EPB41L4A: variants seen among roughly 807,000 people sequenced by gnomAD.
EPB41L4A encodes the protein band 4.1-like protein 4A.
A neutral mutation model predicts 108.6 loss-of-function variants in EPB41L4A; 100 were observed. That is an observed-to-expected ratio of 0.92 (90% confidence interval 0.78 to 1.09). The LOEUF is 1.09. Among genes scored for constraint, EPB41L4A ranks in the 50% least tolerant of loss-of-function variants. EPB41L4A has a pLI of 0.00. For missense variants in EPB41L4A, 1,030 were observed against 842.7 expected, an observed-to-expected ratio of 1.22 and a Z score of -2.75; for synonymous variants, 319 against 289.0, an observed-to-expected ratio of 1.10 and a Z score of -1.05.
At chr5:112,367,317 T>A (rs955960969) in intron 1 of EPB41L4A, among the ~76,000 whole-genome samples, 1 of 152,156 alleles carries the variant, frequency 6.6e-6, no homozygotes, top group African/African-American at 2.4e-5. Context: ...AACCTGACAT[T>A]TCACTCCATT....
intron 1 of EPB41L4A, among the ~76,000 whole-genome samples, chr5:112,376,027 C>T (rs9885177): frequency 0.14 from 21,905 of 152,150 alleles, 4,414 homozygotes; most frequent in African/African-American, 0.45. Context: ...AAAACCAATA[C>T]ACTGGATTTC....
At position 112,182,886 on chromosome 5, in the gene EPB41L4A, G is replaced by C. The variant is rs190908249; in HGVS notation, c.1622+1130C>G. On this transcript the variant is annotated intron_variant, in intron 18 of 22. Coordinates refer to ENST00000261486, the MANE Select transcript of EPB41L4A (RefSeq NM_022140.5). ...AATTGACTACCAGTTTAATTAGGTT[G>C]CTAAAAAAAAATTACAGAGTAATTA... is the stretch of plus-strand genomic sequence containing the variant. Among the ~76,000 whole-genome samples the C allele has an allele frequency of 6.7e-5, 10 of 149,400 alleles. No homozygotes were observed. The East Asian group carries it at 2.0e-3, about 30-fold the overall frequency.
chr5:112,144,127 T>G (rs1759163873), intron 13 of EPB41L4A, among the ~76,000 whole-genome samples: 2 of 152,192 alleles, frequency 1.3e-5, no homozygotes, highest in Non-Finnish European at 2.9e-5. Flanking sequence ...TTAACCACCC[T>G]GATATGGAGC....
At chr5:112,366,010 GT>G (rs1406728428) in intron 1 of EPB41L4A, among the ~76,000 whole-genome samples, 1 of 152,154 alleles carries the variant, frequency 6.6e-6, no homozygotes, top group East Asian at 1.9e-4. Context: ...TAAACTACAA[GT>G]TTAATATCAG....
chr5:112,319,259 G>C (rs1297023193), intron 1 of EPB41L4A, among the ~76,000 whole-genome samples: 1 of 151,638 alleles, frequency 6.6e-6, no homozygotes, highest in Non-Finnish European at 1.5e-5. Flanking sequence ...GGGACAATCT[G>C]AACAACAACA....
intron 1 of EPB41L4A, among the ~76,000 whole-genome samples, chr5:112,314,931 A>T (rs34470386): frequency 0.012 from 1,855 of 152,338 alleles, 18 homozygotes; most frequent in Non-Finnish European, 0.019. Context: ...ATGCCCAAGG[A>T]CTTTCTGAAA....
chr5:112,268,301 C>A (rs968769452), intron 4 of EPB41L4A, among the ~76,000 whole-genome samples: 1 of 152,102 alleles, frequency 6.6e-6, no homozygotes, highest in African/African-American at 2.4e-5. Flanking sequence ...TCACTTGAAC[C>A]CAGGAGGCAG....
At chr5:112,193,205 C>A (rs947752010) in intron 17 of EPB41L4A, among the ~76,000 whole-genome samples, 2 of 152,232 alleles carry the variant, frequency 1.3e-5, no homozygotes, top group Non-Finnish European at 2.9e-5. Flanking sequence ...TAGAGGATCA[C>A]TGATTCAATT....
In EPB41L4A at chr5:112,168,805, A is replaced by G. The variant is rs768869746; in HGVS notation, c.1866T>C (p.Leu622=). 1.9e-6 allele frequency: 3 copies of G among 1,614,094 alleles called. No homozygotes were observed. Among genetic ancestry groups the G allele is most frequent in the Non-Finnish European group, 2.5e-6 (3 of 1,179,934 alleles). Residue 622 remains leucine, a synonymous_variant, in exon 22 of 23, where the codon CTT becomes CTC. Transcript: ENST00000261486. ...AACGGGTCACCGGAAGTGGTGGTAC[A>G]AGATCTGTTTTTGAACTGCAGAGAA... ...VLSEVNSKTD[L]VPPLPVTRSS...
chr5:112,299,992 T>C (rs895088522), intron 2 of EPB41L4A, among the ~76,000 whole-genome samples: 11 of 152,224 alleles, frequency 7.2e-5, no homozygotes, highest in African/African-American at 2.7e-4. Context: ...TCTATTTGCA[T>C]GGAATATCTT....
At chr5:112,275,031 A>G (rs1440827410) in intron 4 of EPB41L4A, among the ~76,000 whole-genome samples, 1 of 152,244 alleles carries the variant, frequency 6.6e-6, no homozygotes, top group Non-Finnish European at 1.5e-5. Flanking sequence ...TAACTTCGAT[A>G]TGAATACAAA....
chr5:112,417,517 T>C (rs1762784715), intron 1 of EPB41L4A, among the ~76,000 whole-genome samples: 3 of 152,376 alleles, frequency 2.0e-5, no homozygotes, highest in South Asian at 4.1e-4. Context: ...ATTTTATTCA[T>C]ACAGTACACC....
At chr5:112,150,987 G>A (rs957849979) in intron 12 of EPB41L4A, among the ~76,000 whole-genome samples, 1 of 152,088 alleles carries the variant, frequency 6.6e-6, no homozygotes, top group Admixed American at 6.5e-5. Context: ...TCACCTGGGG[G>A]GTTTGTTAAA....
Position 112,234,771 on chromosome 5 carries a change from T to A in EPB41L4A, c.966-16A>T. On this transcript the variant is annotated splice_polypyrimidine_tract_variant and intron_variant, in intron 11 of 22. Transcript: ENST00000261486. ...TGTCCTGCCACTTGAGAGTGCAACA[T>A]TTTGATTAGCAAAGGTAAAACCACA... is the stretch of plus-strand genomic sequence containing the variant. The A allele has an allele frequency of 1.2e-6, 2 of 1,606,032 alleles. No homozygotes were observed. Among genetic ancestry groups the A allele is most frequent in the Non-Finnish European group, 1.7e-6 (2 of 1,174,774 alleles).
chr5:112,288,898 G>T (rs1470520880), intron 2 of EPB41L4A, among the ~76,000 whole-genome samples: 3 of 151,788 alleles, frequency 2.0e-5, no homozygotes, highest in Non-Finnish European at 4.4e-5. Flanking sequence ...CGCAATCTCG[G>T]CTCACTGCAA....
At chr5:112,287,240 A>C (rs58814522) in intron 2 of EPB41L4A, among the ~76,000 whole-genome samples, 1,846 of 152,248 alleles carry the variant, frequency 0.012, 39 homozygotes, top group African/African-American at 0.041. Context: ...CAAACTTTAG[A>C]TGTCCAAAAG....
chr5:112,360,150 G>A (rs1308539188), intron 1 of EPB41L4A, among the ~76,000 whole-genome samples: 1 of 152,130 alleles, frequency 6.6e-6, no homozygotes, highest in Non-Finnish European at 1.5e-5. Flanking sequence ...ATCAGGCCAG[G>A]CACCATAGCT....
intron 1 of EPB41L4A, among the ~76,000 whole-genome samples, chr5:112,327,609 T>G (rs556434493): frequency 2.6e-5 from 4 of 152,208 alleles, no homozygotes; most frequent in South Asian, 4.2e-4. Context: ...CTAACTACTC[T>G]GGAGGCTGGG....
At chr5:112,206,163 C>CA (rs1762462969) in intron 13 of EPB41L4A, 1 of 152,200 alleles carries the variant, frequency 6.6e-6, no homozygotes, top group African/African-American at 2.4e-5. Context: ...CAGAAGCCTC[C>CA]AGGCACCAGT....
Sources: gnomAD v4.1 joint callset for allele counts (sites outside exome capture counted in the v4.1 genomes callset) on GRCh38, gnomAD v4.1.1 for gene constraint, MANE v1.5 for transcripts, NCBI Gene and HGNC (gene_info 2026-07-23, HGNC 2026-07-21) for gene names.